SEC11A: variants seen among roughly 807,000 people sequenced by gnomAD.
The protein encoded by SEC11A is SEC11 homolog A, signal peptidase complex subunit.
In SEC11A, 14 loss-of-function variants were observed where a neutral mutation model predicts 25.6. That is an observed-to-expected ratio of 0.55 (90% confidence interval 0.36 to 0.85). The LOEUF (loss-of-function observed/expected upper bound fraction) is 0.85, where lower values mean the gene tolerates loss of function less well. Among genes scored for constraint, SEC11A ranks in the 40% least tolerant of loss-of-function variants. SEC11A has a pLI of 0.01. For synonymous variants in SEC11A, 83 were observed against 76.4 expected, an observed-to-expected ratio of 1.09 and a Z score of -0.45; for missense variants, 153 against 222.9, an observed-to-expected ratio of 0.69 and a Z score of 2.00.
chr15:84,716,104 G>A lies in SEC11A; in HGVS notation c.-29C>T, dbSNP rs1469773337. ...GGGGACGGCGAGCAGGACACCGGCA[G>A]GGGAAAGGGCGCGATGACCAGCGGG... On this transcript the variant is annotated 5_prime_UTR_variant, in exon 1 of 6. Coordinates refer to ENST00000268220, the MANE Select transcript of SEC11A (RefSeq NM_014300.4). 3.7e-6 allele frequency: 6 copies of A among 1,611,256 alleles called. No homozygotes were observed. Among genetic ancestry groups the A allele is most frequent in the African/African-American group, 2.7e-5 (2 of 74,896 alleles).
chr15:84,690,140 A>G (rs572244180), intron 2 of SEC11A, among the ~76,000 whole-genome samples: 6 of 152,138 alleles, frequency 3.9e-5, no homozygotes, highest in African/African-American at 1.4e-4. Flanking sequence ...TCTCATCTTG[A>G]ATTCCCACGT....
At chr15:84,681,951 T>C (rs887969429) in intron 3 of SEC11A, among the ~76,000 whole-genome samples, 1 of 152,046 alleles carries the variant, frequency 6.6e-6, no homozygotes, top group Non-Finnish European at 1.5e-5. Context: ...GCGCCTGTGG[T>C]TCCAGCTGAG....
At chr15:84,703,267 G>A (rs866242287) in intron 1 of SEC11A, among the ~76,000 whole-genome samples, 4 of 152,270 alleles carry the variant, frequency 2.6e-5, no homozygotes, top group Middle Eastern at 3.4e-3. Context: ...CCTGGACGCT[G>A]TCAGATTCAC....
chr15:84,709,014 T>C (rs1041348135), intron 1 of SEC11A, among the ~76,000 whole-genome samples: 2 of 151,986 alleles, frequency 1.3e-5, no homozygotes, highest in African/African-American at 2.4e-5. Flanking sequence ...TGCGGGGAGC[T>C]AAGCACACAT....
Position 84,680,835 on chromosome 15 carries a change from TA to T in SEC11A, c.312-4del. 1 of 1,604,636 alleles carries T rather than the reference TA, an allele frequency of 6.2e-7. No homozygotes were observed. ...AAAACTTGATATGCCCATTTTGCCT[TA>T]AAAGAGTAAAGGAAACCCAAGTCAT... is the stretch of plus-strand genomic sequence containing the variant. On this transcript the variant is annotated splice_polypyrimidine_tract_variant and splice_region_variant and intron_variant, in intron 3 of 5. Coordinates refer to ENST00000268220, the MANE Select transcript of SEC11A (RefSeq NM_014300.4).
In SEC11A at chr15:84,699,787, CACACACACA is replaced by C. The variant is rs1567041799; in HGVS notation, c.52-8152_52-8144del. Among the ~76,000 whole-genome samples the C allele has an allele frequency of 2.6e-5, 4 of 151,920 alleles. 1 individual carries two copies. The highest frequency in any genetic ancestry group is 9.7e-5 in the African/African-American group (4 of 41,216). On this transcript the variant is annotated intron_variant, in intron 1 of 5. Coordinates refer to ENST00000268220, the MANE Select transcript of SEC11A (RefSeq NM_014300.4). ...ACGGAAAAAGAAAAAAACAAAGACA[CACACACACA>C]AAAAAAAGAACTGGGAGTTCAGGGA... is the stretch of plus-strand genomic sequence containing the variant.
intron 4 of SEC11A, chr15:84,673,019 TCCGC>T: frequency 5.0e-6 from 1 of 198,734 alleles, no homozygotes; most frequent in Non-Finnish European, 1.0e-5. Context: ...GAGGAGTCCC[TCCGC>T]CCGGCAGCCA....
intron 4 of SEC11A, among the ~76,000 whole-genome samples, chr15:84,674,186 G>A (rs1423715068): frequency 1.3e-5 from 2 of 151,258 alleles, no homozygotes; most frequent in Non-Finnish European, 2.9e-5. Flanking sequence ...GCTCTAAGAG[G>A]ATGGATAGAG....
intron 2 of SEC11A, among the ~76,000 whole-genome samples, chr15:84,689,408 T>C (rs933229612): frequency 1.1e-4 from 17 of 152,292 alleles, no homozygotes; most frequent in Admixed American, 7.9e-4. Flanking sequence ...ATGTCAATCA[T>C]ATCTCGATAA....
chr15:84,675,450 T>A (rs561525705), intron 4 of SEC11A, among the ~76,000 whole-genome samples: 1 of 152,274 alleles, frequency 6.6e-6, no homozygotes, highest in African/African-American at 2.4e-5. Context: ...AAAAGGGGTC[T>A]ATATCTGGGA....
At chr15:84,675,520 G>C (rs756618690) in intron 4 of SEC11A, among the ~76,000 whole-genome samples, 1 of 152,134 alleles carries the variant, frequency 6.6e-6, no homozygotes, top group African/African-American at 2.4e-5. Context: ...GACCAGAAAA[G>C]GATCATCTTG....
At chr15:84,679,347 G>A in intron 4 of SEC11A, 1 of 667,218 alleles carries the variant, frequency 1.5e-6, no homozygotes, top group Non-Finnish European at 2.3e-6. Context: ...TTAAAGCGGG[G>A]ACATATTAAA....
At chr15:84,711,836 T>TA (rs1265799415) in intron 1 of SEC11A, among the ~76,000 whole-genome samples, 6 of 133,164 alleles carry the variant, frequency 4.5e-5, no homozygotes, top group Non-Finnish European at 8.1e-5. Context: ...AGAATACAAA[T>TA]AAAATAGTAT....
At chr15:84,685,667 T>C (rs1897398449) in intron 3 of SEC11A, among the ~76,000 whole-genome samples, 1 of 152,118 alleles carries the variant, frequency 6.6e-6, no homozygotes, top group Non-Finnish European at 1.5e-5. Context: ...CTCTCTGATA[T>C]ATTTAGGGGA....
chr15:84,675,720 T>C (rs1897116101), intron 4 of SEC11A, among the ~76,000 whole-genome samples: 1 of 152,240 alleles, frequency 6.6e-6, no homozygotes, highest in African/African-American at 2.4e-5. Flanking sequence ...CTGCTTTCTA[T>C]TCCTTCTTAA....
intron 2 of SEC11A, among the ~76,000 whole-genome samples, chr15:84,689,412 T>G (rs987355306): frequency 2.0e-5 from 3 of 152,136 alleles, no homozygotes; most frequent in Non-Finnish European, 4.4e-5. Flanking sequence ...CAATCATATC[T>G]CGATAATTTG....
chr15:84,704,817 T>C (rs1457453202), intron 1 of SEC11A, among the ~76,000 whole-genome samples: 1 of 152,174 alleles, frequency 6.6e-6, no homozygotes, highest in African/African-American at 2.4e-5. Flanking sequence ...AATCTCAGGC[T>C]TGGGAGGGGT....
intron 1 of SEC11A, among the ~76,000 whole-genome samples, chr15:84,705,286 T>C (rs903116316): frequency 1.3e-5 from 2 of 152,208 alleles, no homozygotes; most frequent in Non-Finnish European, 2.9e-5. Flanking sequence ...CAGTTACTTA[T>C]ATTAGATTTT....
intron 3 of SEC11A, among the ~76,000 whole-genome samples, chr15:84,683,220 G>A (rs1322106799): frequency 6.6e-6 from 1 of 152,104 alleles, no homozygotes; most frequent in Non-Finnish European, 1.5e-5. Context: ...AGGAACAGCA[G>A]GAAGGAAAAC....
Sources: allele counts gnomAD v4.1 joint callset (sites outside exome capture counted in the v4.1 genomes callset), GRCh38; gene constraint gnomAD v4.1.1; transcripts MANE v1.5; gene names NCBI Gene and HGNC (gene_info 2026-07-23, HGNC 2026-07-21).